PLXNA4: variants seen among roughly 807,000 people sequenced by gnomAD.
PLXNA4 encodes plexin-A4.
PLXNA4 carries 44 observed loss-of-function variants against 191.8 expected under a neutral mutation model. The observed-to-expected ratio is 0.23, with a 90% CI of 0.18 to 0.29. PLXNA4 has a LOEUF of 0.29. Ranked by LOEUF, PLXNA4 falls within the 10% of genes least tolerant of loss-of-function variation. PLXNA4 has a pLI of 1.00. For missense variants in PLXNA4, 1,800 were observed against 2,488.8 expected (o/e 0.72, Z 5.89); for synonymous variants, 1,082 against 1,009.5 (o/e 1.07, Z -1.36).
At chr7:132,295,729 A>G (rs1045866920) in intron 4 of PLXNA4, among the ~76,000 whole-genome samples, 4 of 152,102 alleles carry the variant, frequency 2.6e-5, no homozygotes, top group Middle Eastern at 6.8e-3. Flanking sequence ...GACCATCTAG[A>G]ATCTCAATAC....
At chr7:132,240,589 C>A (rs10244207) in intron 5 of PLXNA4, among the ~76,000 whole-genome samples, 108,471 of 152,116 alleles carry the variant, frequency 0.71, 39,791 homozygotes, top group African/African-American at 0.9. Flanking sequence ...TCCTTTGGAG[C>A]TGTTGAAGTA....
In PLXNA4 at chr7:132,128,889, A is replaced by G. The variant is rs532479730; in HGVS notation, c.*1590T>C. On this transcript the variant is annotated 3_prime_UTR_variant, in exon 32 of 32. Transcript: ENST00000321063. ...CTCCAGAGCAGAGGTGCCAACAGAG[A>G]CTCCTGCTTAGGATGGGAGACTGCA... is the stretch of plus-strand genomic sequence containing the variant. 6.6e-6 allele frequency: 1 copy of G among 152,004 alleles called. No individual in the cohort carries two copies. The highest frequency in any genetic ancestry group is 2.1e-4 in the South Asian group (1 of 4,806). 9.4% of individuals were successfully genotyped at this position (152,004 alleles called of 1,614,324 possible). A position where few individuals can be genotyped will look rare whatever the true frequency, so the allele number is the denominator to read the frequency against.
In PLXNA4 at chr7:132,173,483, T is replaced by C. The variant is rs1241806140; in HGVS notation, c.4017+1295A>G. Among the ~76,000 whole-genome samples, 3 of 152,204 alleles carry C rather than the reference T, an allele frequency of 2.0e-5. No homozygotes were observed. The East Asian group carries it at 5.8e-4, about 29-fold the overall frequency. ...CAACTTATGAAAGTGTCTCTTGGTA[T>C]CTCTTAGCTGAGGAGCCAAAGGGAG... On this transcript the variant is annotated intron_variant, in intron 21 of 31. Coordinates refer to ENST00000321063, the MANE Select transcript of PLXNA4 (RefSeq NM_020911.2).
At position 132,343,904 on chromosome 7, in the gene PLXNA4, G is replaced by A. The variant is rs553430240; in HGVS notation, c.1372-45682C>T. ...TTCACTCCAGCCTAGGTGACAGAGTGAGGCTGTCTCAAAAAAAATAAGTAA... is the reference window on the plus strand; with the variant it reads ...TTCACTCCAGCCTAGGTGACAGAGTAAGGCTGTCTCAAAAAAAATAAGTAA... On this transcript the variant is annotated intron_variant, in intron 3 of 31. Transcript: ENST00000321063. Among the ~76,000 whole-genome samples, 4 of 152,296 alleles carry A rather than the reference G, an allele frequency of 2.6e-5. No homozygotes were observed. The East Asian group carries it at 5.8e-4, about 22-fold the overall frequency.
intron 10 of PLXNA4, 100 bp from the exon 11 acceptor site, chr7:132,203,519 C>T: frequency 9.6e-7 from 1 of 1,038,516 alleles, no homozygotes; most frequent in Non-Finnish European, 1.5e-6. Flanking sequence ...AGCTCACAGG[C>T]TAAAGACTGG....
chr7:132,508,200 T>C lies in PLXNA4; in HGVS notation c.494A>G (p.Glu165Gly), dbSNP rs1364318856. Residue 165 changes from glutamate to glycine, a missense_variant, in exon 2 of 32, where the codon GAG becomes GGG. By Grantham distance (98) the Glu-to-Gly change is moderately conservative. This residue lies in a region of PLXNA4 where 1,397 missense variants were observed against 1,880.4 expected (regional missense o/e 0.74). Coordinates refer to ENST00000321063, the MANE Select transcript of PLXNA4 (RefSeq NM_020911.2). The surrounding 1 kb of genome is among the most constrained non-coding windows in gnomAD (Gnocchi z 4.4). The stretch of plus-strand genomic sequence containing the variant: ...GATCACTCCAAAGACTGAGCCGCTC[T>C]CGTTGACACCTGACAGATAGTGCTC... ...KKEHYLSGVN[E>G]SGSVFGVIVS... 4 of 1,614,092 alleles carry C rather than the reference T, an allele frequency of 2.5e-6. No individual in the cohort carries two copies. The African/African-American group carries it at 5.3e-5, about 22-fold the overall frequency.
At chr7:132,505,823 C>T (rs144941779) in intron 2 of PLXNA4, among the ~76,000 whole-genome samples, 2 of 152,298 alleles carry the variant, frequency 1.3e-5, no homozygotes, top group South Asian at 2.1e-4. Flanking sequence ...TAGCTGCCTT[C>T]GTTTGGAAGC....
intron 3 of PLXNA4, among the ~76,000 whole-genome samples, chr7:132,485,746 C>G (rs1235270827): frequency 1.3e-5 from 2 of 152,198 alleles, no homozygotes; most frequent in African/African-American, 4.8e-5. Flanking sequence ...CACACATACC[C>G]TTAAAGCTCA....
At chr7:132,189,605 CT>C (rs1785446902) in intron 14 of PLXNA4, among the ~76,000 whole-genome samples, 1 of 152,156 alleles carries the variant, frequency 6.6e-6, no homozygotes, top group Non-Finnish European at 1.5e-5. Context: ...GCCCCAAGTC[CT>C]GGGGAAAGAG....
chr7:132,393,975 C>A (rs866337575), intron 3 of PLXNA4, among the ~76,000 whole-genome samples: 1 of 151,780 alleles, frequency 6.6e-6, no homozygotes, highest in East Asian at 1.9e-4. Flanking sequence ...CTAATTTGCA[C>A]CCCACCCTCT....
At chr7:132,435,296 A>T (rs147153034) in intron 3 of PLXNA4, among the ~76,000 whole-genome samples, 1 of 152,224 alleles carries the variant, frequency 6.6e-6, no homozygotes, top group African/African-American at 2.4e-5. Flanking sequence ...AAAATAACCA[A>T]GGTGGGGAGG....
At chr7:132,644,200 G>A (rs1400226501) in intron 2 of PLXNA4, among the ~76,000 whole-genome samples, 1 of 152,078 alleles carries the variant, frequency 6.6e-6, no homozygotes, top group African/African-American at 2.4e-5. Context: ...TGTCTCCCTG[G>A]CAGGTGACTT....
chr7:132,563,589 C>G (rs1189910375), intron 1 of PLXNA4, among the ~76,000 whole-genome samples: 1 of 129,292 alleles, frequency 7.7e-6, no homozygotes, highest in Non-Finnish European at 1.7e-5. Flanking sequence ...CCTCCTTCTC[C>G]TCATCCTTTC....
intron 1 of PLXNA4, among the ~76,000 whole-genome samples, chr7:132,567,010 C>T (rs1442122014): frequency 1.3e-5 from 2 of 152,132 alleles, no homozygotes; most frequent in Non-Finnish European, 2.9e-5. Context: ...TCACCATCTC[C>T]CAAAATGCCT....
chr7:132,284,839 C>T (rs1424937515), intron 4 of PLXNA4, among the ~76,000 whole-genome samples: 1 of 152,248 alleles, frequency 6.6e-6, no homozygotes, highest in East Asian at 1.9e-4. Context: ...CTCAGCCTCC[C>T]AAGCAGCTGG....
intron 3 of PLXNA4, among the ~76,000 whole-genome samples, chr7:132,376,184 T>C (rs1408144633): frequency 6.6e-6 from 1 of 152,206 alleles, no homozygotes; most frequent in East Asian, 1.9e-4. Context: ...TGAAAAGGTC[T>C]CATCAATCAT....
intron 3 of PLXNA4, among the ~76,000 whole-genome samples, chr7:132,382,727 T>C (rs1306912687): frequency 6.6e-6 from 1 of 152,240 alleles, no homozygotes; most frequent in Non-Finnish European, 1.5e-5. Context: ...AAGACAATGC[T>C]ACTAACACAG....
chr7:132,281,269 G>T (rs975633028), intron 4 of PLXNA4, among the ~76,000 whole-genome samples: 1 of 152,014 alleles, frequency 6.6e-6, no homozygotes, highest in African/African-American at 2.4e-5. Context: ...ATGCAAAAAA[G>T]TGCATTGTTG....
intron 1 of PLXNA4, among the ~76,000 whole-genome samples, chr7:132,559,400 T>C (rs1262524173): frequency 6.6e-6 from 1 of 152,096 alleles, no homozygotes; most frequent in Non-Finnish European, 1.5e-5. Context: ...GAGAAGAGGG[T>C]AGATCCATCG....
Sources: allele counts gnomAD v4.1 joint callset (sites outside exome capture counted in the v4.1 genomes callset), GRCh38; gene constraint gnomAD v4.1.1; regional missense constraint gnomAD v4.1.1; non-coding constraint Gnocchi (gnomAD v3.1); transcripts MANE v1.5; gene names NCBI Gene and HGNC (gene_info 2026-07-23, HGNC 2026-07-21).